Variants in DHPS observed in about 807,000 individuals in gnomAD.
DHPS encodes the protein deoxyhypusine synthase.
A neutral mutation model predicts 38.7 loss-of-function variants in DHPS; 24 were observed. The ratio of observed to expected loss-of-function variants is 0.62; its 90% confidence interval spans 0.45 to 0.87. DHPS has a LOEUF of 0.87. DHPS is among the 40% of genes least tolerant of loss of function. The pLI is 0.00. For synonymous variants in DHPS, 250 were observed against 204.4 expected, an observed-to-expected ratio of 1.22 and a Z score of -1.90; for missense variants, 510 against 497.6, an observed-to-expected ratio of 1.02 and a Z score of -0.24.
intron 8 of DHPS, 42 bp from the exon 9 acceptor site, chr19:12,675,975 C>T (rs766940851): frequency 5.0e-6 from 8 of 1,606,554 alleles, no homozygotes; most frequent in South Asian, 1.1e-5. Context: ...GACCCACACT[C>T]ATCGTCCCAG....
downstream of DHPS, chr19:12,672,952 TGGG>T: frequency 6.3e-7 from 1 of 1,595,350 alleles, no homozygotes; most frequent in Non-Finnish European, 8.5e-7. Context: ...GCAGGGAAGA[TGGG>T]GGGCCAACCA....
At chr19:12,673,394 G>C (rs2145323476), downstream of DHPS, 1 of 858,126 alleles carries the variant, frequency 1.2e-6, no homozygotes, top group East Asian at 2.6e-5. Context: ...TCACTCCAGG[G>C]CCTGAAGGCT....
chr19:12,678,163 C>A (rs1305736864), intron 5 of DHPS, among the ~76,000 whole-genome samples: 1 of 151,568 alleles, frequency 6.6e-6, no homozygotes, highest in Admixed American at 6.6e-5. Context: ...GATGCTGAGG[C>A]AGGAGAATTG....
At chr19:12,681,179 T>G in intron 1 of DHPS, 1 of 1,247,186 alleles carries the variant, frequency 8.0e-7, no homozygotes. Context: ...TCAGATCCGG[T>G]CCCTTCCCCG....
intron 1 of DHPS, 87 bp downstream of exon 1, chr19:12,681,473 C>T (rs1004825410): frequency 6.9e-7 from 1 of 1,459,790 alleles, no homozygotes; most frequent in Non-Finnish European, 9.5e-7. Flanking sequence ...ATATCCCCTC[C>T]ACTGGAAACG....
At chr19:12,674,550 TTG>T (rs2145329807), downstream of DHPS, among the ~76,000 whole-genome samples, 1 of 152,276 alleles carries the variant, frequency 6.6e-6, no homozygotes, top group South Asian at 2.1e-4. Context: ...AGAAGTTGCC[TTG>T]GAGGGCAGGC....
chr19:12,674,039 C>G (rs757716836), downstream of DHPS, among the ~76,000 whole-genome samples: 2 of 152,124 alleles, frequency 1.3e-5, no homozygotes, highest in African/African-American at 2.4e-5. Context: ...GCATTCCAGG[C>G]AAAGGGAACA....
intron 7 of DHPS, 138 bp downstream of exon 7, chr19:12,676,970 G>A (rs2024612409): frequency 4.1e-6 from 3 of 736,790 alleles, no homozygotes; most frequent in African/African-American, 1.7e-5. Context: ...TCACTTGTTT[G>A]CTATCTCCCC....
downstream of DHPS, chr19:12,673,166 G>A (rs746933351): frequency 1.9e-6 from 3 of 1,613,018 alleles, no homozygotes; most frequent in South Asian, 1.1e-5. Context: ...CCCACCCCTG[G>A]AGAGGACCAA....
At chr19:12,674,793 A>G (rs1413713088), downstream of DHPS, among the ~76,000 whole-genome samples, 7 of 152,116 alleles carry the variant, frequency 4.6e-5, no homozygotes, top group African/African-American at 1.7e-4. Context: ...GCCAAGAGGA[A>G]TAACTGATAG....
downstream of DHPS, chr19:12,673,268 G>A (rs144664563): frequency 6.2e-7 from 1 of 1,613,934 alleles, no homozygotes; most frequent in African/African-American, 1.3e-5. Flanking sequence ...ACACACATGT[G>A]GTCAGCTGTT....
Position 12,675,928 on chromosome 19 carries a change from A to G in DHPS, c.1020T>C (p.Tyr340=). The G allele has an allele frequency of 1.9e-6, 3 of 1,607,378 alleles. No homozygotes were observed. The highest frequency in any genetic ancestry group is 2.6e-6 in the Non-Finnish European group (3 of 1,176,420). The change falls in exon 9 of 9, where the codon TAT becomes TAC. Residue 340 remains tyrosine, a synonymous_variant. Coordinates refer to ENST00000210060, the MANE Select transcript of DHPS (RefSeq NM_001930.4). ...GGGGGAAGACCAGGGAGGCGTCAGC[A>G]TAGACCTGGGTAGGGGGGAACCTGG... ...IRVDAQPVKV[Y]ADASLVFPLL... is the part of the protein sequence containing the mutation.
downstream of DHPS, chr19:12,673,403 C>A (rs962315082): frequency 2.5e-6 from 1 of 399,286 alleles, no homozygotes; most frequent in African/African-American, 2.2e-5. Context: ...GGCCTGAAGG[C>A]TAGGATCTTT....
chr19:12,680,141 C>G lies in DHPS; in HGVS notation c.372+20G>C, dbSNP rs575771151. ...CCCATTGACCCAGAGGCCAAGGCCACGGCCTCACCAGGTCCCCACCATGTT... is the reference window on the plus strand; with the variant it reads ...CCCATTGACCCAGAGGCCAAGGCCAGGGCCTCACCAGGTCCCCACCATGTT... On this transcript the variant is annotated intron_variant, in intron 2 of 8. Transcript: ENST00000210060. 8 of 1,612,922 alleles carry G rather than the reference C, an allele frequency of 5.0e-6. No homozygotes were observed. The highest frequency in any genetic ancestry group is 6.8e-6 in the Non-Finnish European group (8 of 1,179,130).
intron 7 of DHPS, 159 bp downstream of exon 7, chr19:12,676,948 CT>C (rs1398958432): frequency 1.5e-6 from 1 of 657,000 alleles, no homozygotes; most frequent in East Asian, 2.7e-5. Flanking sequence ...TGACTGCCCC[CT>C]GACGTGGATG....
intron 5 of DHPS, among the ~76,000 whole-genome samples, 158 bp downstream of exon 5, chr19:12,679,299 A>C (rs1396487156): frequency 7.2e-6 from 1 of 137,956 alleles, no homozygotes; most frequent in African/African-American, 3.2e-5. Context: ...TCCTGTCTCA[A>C]AAAAAAAAAA....
intron 7 of DHPS, chr19:12,676,751 ATC>A: frequency 3.2e-6 from 1 of 313,922 alleles, no homozygotes; most frequent in South Asian, 3.1e-5. Flanking sequence ...GAACTTTGCA[ATC>A]CAGAAGCTCA....
rs1437035600 is a variant in DHPS at position 12,676,152 on chromosome 19, G to A, written c.889-10C>T. ...AGTCGGCCCCGTTCCGCTGTGGGGA[G>A]GCGGGGGCACGGTGGGCCCAGTCAG... On this transcript the variant is annotated splice_polypyrimidine_tract_variant and intron_variant, in intron 7 of 8. Transcript: ENST00000210060. 6.2e-7 allele frequency: 1 copy of A among 1,602,070 alleles called. No individual in the cohort carries two copies. Among genetic ancestry groups the A allele is most frequent in the Non-Finnish European group, 8.5e-7 (1 of 1,175,264 alleles).
chr19:12,681,370 T>G (rs1568320689), intron 1 of DHPS, 190 bp downstream of exon 1: 1 of 978,256 alleles, frequency 1.0e-6, no homozygotes, highest in Non-Finnish European at 1.5e-6. Context: ...AGCATGTAAC[T>G]ACCAGAGTGC....
Sources: allele counts gnomAD v4.1 joint callset (sites outside exome capture counted in the v4.1 genomes callset), GRCh38; gene constraint gnomAD v4.1.1; transcripts MANE v1.5; gene names NCBI Gene and HGNC (gene_info 2026-07-23, HGNC 2026-07-21).